The following PIK3R1 variants were observed in gnomAD, a reference collection of about 807,000 sequenced individuals.
The protein encoded by PIK3R1 is phosphatidylinositol 3-kinase regulatory subunit alpha.
Under a neutral mutation model 98.0 loss-of-function variants are expected in PIK3R1, and 29 were observed. That is an observed-to-expected ratio of 0.30 (90% CI 0.22 to 0.40). PIK3R1 has a LOEUF of 0.40. Among genes scored for constraint, PIK3R1 ranks in the 10% least tolerant of loss-of-function variants. The pLI is 1.00. For missense variants in PIK3R1, 596 were observed against 872.7 expected, an observed-to-expected ratio of 0.68 and a Z score of 3.99; for synonymous variants, 282 against 311.8, an observed-to-expected ratio of 0.90 and a Z score of 1.01.
At chr5:68,258,557 A>C (rs1043373743) in intron 2 of PIK3R1, among the ~76,000 whole-genome samples, 5 of 152,230 alleles carry the variant, frequency 3.3e-5, no homozygotes, top group Non-Finnish European at 7.3e-5. Flanking sequence ...CATAATGTCA[A>C]GATGTGAACC....
intron 2 of PIK3R1, among the ~76,000 whole-genome samples, chr5:68,263,296 A>G (rs1409206848): frequency 8.7e-6 from 1 of 114,310 alleles, no homozygotes; most frequent in Non-Finnish European, 1.8e-5. Context: ...CCTTCTGTAT[A>G]TCACAGTTTT....
At chr5:68,256,766 A>T (rs1745533181) in intron 2 of PIK3R1, among the ~76,000 whole-genome samples, 1 of 128,430 alleles carries the variant, frequency 7.8e-6, no homozygotes, top group African/African-American at 2.8e-5. Context: ...AAGCTGGGTT[A>T]AAAAAAAAAA....
Position 68,292,528 on chromosome 5 carries a change from G to A in PIK3R1, c.1019+167G>A, listed in dbSNP as rs765012410. On this transcript the variant is annotated intron_variant, in intron 8 of 15. Coordinates refer to ENST00000521381, the MANE Select transcript of PIK3R1 (RefSeq NM_181523.3). Reference sequence around the variant, plus strand: ...GTCACTGAGCACTGGAGAACTGTGGGTGCTGGATGCCACAGGAAATTAAAT... The same window carrying A: ...GTCACTGAGCACTGGAGAACTGTGGATGCTGGATGCCACAGGAAATTAAAT... The A allele has an allele frequency of 3.3e-6, 5 of 1,519,730 alleles. No homozygotes were observed. The South Asian group carries it at 6.0e-5, about 18-fold the overall frequency. 94.1% of individuals were successfully genotyped at this position (1,519,730 alleles called of 1,614,324 possible).
intron 7 of PIK3R1, 61 bp downstream of exon 7, chr5:68,281,067 G>T: frequency 1.8e-6 from 2 of 1,119,302 alleles, no homozygotes; most frequent in South Asian, 2.8e-5. Flanking sequence ...CTTAAAAAAT[G>T]ATGGCTATAA....
chr5:68,300,954 T>TGTCA lies in PIK3R1; in HGVS notation c.*3354_*3357dup, dbSNP rs968017672. On this transcript the variant is annotated 3_prime_UTR_variant, in exon 16 of 16. Transcript: ENST00000521381. ...CGAGTCAAAATGTGTTTATGTGAGCTGTCACTGTGGGGAACCAATTGCTTT... is the reference window on the plus strand; with the variant it reads ...CGAGTCAAAATGTGTTTATGTGAGCTGTCAGTCACTGTGGGGAACCAATTGCTTT... The TGTCA allele has an allele frequency of 1.7e-5, 4 of 233,352 alleles. No homozygotes were observed. Among genetic ancestry groups the TGTCA allele is most frequent in the Non-Finnish European group, 3.4e-5 (4 of 117,934 alleles). 14.5% of individuals were successfully genotyped at this position (233,352 alleles called of 1,614,324 possible).
intron 2 of PIK3R1, among the ~76,000 whole-genome samples, chr5:68,256,147 G>C (rs1281312600): frequency 6.6e-6 from 1 of 152,146 alleles, no homozygotes; most frequent in African/African-American, 2.4e-5. Flanking sequence ...TTATTAATCT[G>C]AGTCTTTCTC....
chr5:68,271,866 A>G (rs1409293137), intron 2 of PIK3R1, among the ~76,000 whole-genome samples: 2 of 152,218 alleles, frequency 1.3e-5, no homozygotes, highest in African/African-American at 2.4e-5. Flanking sequence ...TGACTTAATC[A>G]TACTTCTCTG....
At chr5:68,273,865 C>T in intron 3 of PIK3R1, 74 bp from the exon 4 acceptor site, 1 of 1,136,254 alleles carries the variant, frequency 8.8e-7, no homozygotes, top group Non-Finnish European at 1.3e-6. Flanking sequence ...TGGAATGTCT[C>T]TGGCAGCAGC....
At chr5:68,220,654 A>G (rs1392475936) in intron 1 of PIK3R1, among the ~76,000 whole-genome samples, 1 of 152,174 alleles carries the variant, frequency 6.6e-6, no homozygotes, top group Non-Finnish European at 1.5e-5. Flanking sequence ...ACACAACACC[A>G]AAAGGGCTTG....
rs142341891 is a variant in PIK3R1, at chr5:68,250,262, C to T, written c.335-23128C>T. Among the ~76,000 whole-genome samples, 311 of 152,300 alleles carry T rather than the reference C, an allele frequency of 2.0e-3. 2 individuals carry two copies. Among genetic ancestry groups the T allele is most frequent in the East Asian group, 7.3e-3 (38 of 5,178 alleles). On this transcript the variant is annotated intron_variant, in intron 2 of 15. Coordinates refer to ENST00000521381, the MANE Select transcript of PIK3R1 (RefSeq NM_181523.3). The stretch of plus-strand genomic sequence containing the variant: ...AGCAGGAGCAGAGAGTGGGTGCCTG[C>T]CACGGGACAGGGGGTCCTAGAGACA...
In PIK3R1 at chr5:68,297,770, C is replaced by A; in HGVS notation, c.*169C>A. ...CAAAAAAGAAGTAGGGGAAGACATGCAGCCTAAGGCTGTATGATGACCACA... is the reference window on the plus strand; with the variant it reads ...CAAAAAAGAAGTAGGGGAAGACATGAAGCCTAAGGCTGTATGATGACCACA... On this transcript the variant is annotated 3_prime_UTR_variant, in exon 16 of 16. Coordinates refer to ENST00000521381, the MANE Select transcript of PIK3R1 (RefSeq NM_181523.3). 1.8e-6 allele frequency: 1 copy of A among 566,212 alleles called. No homozygotes were observed. The highest frequency in any genetic ancestry group is 3.1e-6 in the Non-Finnish European group (1 of 322,318). 35.1% of individuals were successfully genotyped at this position (566,212 alleles called of 1,614,324 possible). A position where few individuals can be genotyped will look rare whatever the true frequency, so the allele number is the denominator to read the frequency against.
intron 7 of PIK3R1, chr5:68,291,213 T>C (rs969514859): frequency 6.1e-6 from 1 of 163,664 alleles, no homozygotes; most frequent in Non-Finnish European, 1.3e-5. Flanking sequence ...TGTAGCACTT[T>C]GCAGTGATAA....
At chr5:68,221,971 G>A (rs1744106913) in intron 1 of PIK3R1, among the ~76,000 whole-genome samples, 1 of 152,142 alleles carries the variant, frequency 6.6e-6, no homozygotes, top group South Asian at 2.1e-4. Context: ...CTTGTTCGTA[G>A]GATTCCTTTA....
chr5:68,285,281 G>A (rs576656431), intron 7 of PIK3R1, among the ~76,000 whole-genome samples: 3 of 152,146 alleles, frequency 2.0e-5, no homozygotes, highest in African/African-American at 7.2e-5. Flanking sequence ...TTAACCACTG[G>A]CACATTGCAA....
At chr5:68,290,990 G>A in intron 7 of PIK3R1, 1 of 562,920 alleles carries the variant, frequency 1.8e-6, no homozygotes, top group Non-Finnish European at 3.1e-6. Context: ...TAAACAGATT[G>A]TTTGACTGTC....
chr5:68,294,404 A>G (rs1747571813), intron 11 of PIK3R1, 132 bp from the exon 12 acceptor site: 1 of 540,676 alleles, frequency 1.8e-6, no homozygotes, highest in Non-Finnish European at 3.0e-6. Flanking sequence ...TTTCTGGGAT[A>G]CTGTTTTAAT....
chr5:68,253,325 G>A (rs1019312740), intron 2 of PIK3R1, among the ~76,000 whole-genome samples: 1 of 152,142 alleles, frequency 6.6e-6, no homozygotes, highest in African/African-American at 2.4e-5. Context: ...TAGGATTCAA[G>A]CTGGACTTGG....
Position 68,226,779 on chromosome 5 carries a change from G to C in PIK3R1, c.104G>C (p.Gly35Ala), listed in dbSNP as rs1017086766. 5.0e-6 allele frequency: 8 copies of C among 1,613,962 alleles called. No individual in the cohort carries two copies. The highest frequency in any genetic ancestry group is 6.8e-6 in the Non-Finnish European group (8 of 1,180,000). The change falls in exon 2 of 16, where the codon GGG becomes GCG. Residue 35 changes from glycine (G) to alanine (A), a missense_variant. Gly to Ala is a moderately conservative substitution (Grantham distance 60). Around this residue, in one of 3 missense-constraint regions of PIK3R1, gnomAD observed 352 missense variants for 393.3 expected, o/e 0.90. Coordinates refer to ENST00000521381, the MANE Select transcript of PIK3R1 (RefSeq NM_181523.3). ...HLGDILTVNKGSLVALGFSDG... is the reference protein window; with the variant it reads ...HLGDILTVNKASLVALGFSDG... ...GGTGACATATTGACTGTGAATAAAG[G>C]GTCCTTAGTAGCTCTTGGATTCAGT...
intron 7 of PIK3R1, among the ~76,000 whole-genome samples, chr5:68,287,992 G>A (rs1391452510): frequency 3.3e-5 from 5 of 152,182 alleles, no homozygotes; most frequent in African/African-American, 1.2e-4. Context: ...GTGTGTGGGA[G>A]GAGGTGCAAG....
Sources: allele counts gnomAD v4.1 joint callset (sites outside exome capture counted in the v4.1 genomes callset), GRCh38; gene constraint gnomAD v4.1.1; regional missense constraint gnomAD v4.1.1; transcripts MANE v1.5; gene names NCBI Gene and HGNC (gene_info 2026-07-23, HGNC 2026-07-21).